PWWP2A: variants seen among roughly 807,000 people sequenced by gnomAD.
The protein encoded by PWWP2A is PWWP domain-containing protein 2A.
In PWWP2A, 18 loss-of-function variants were observed where a neutral mutation model predicts 48.5. The observed-to-expected ratio is 0.37, with a 90% CI of 0.26 to 0.55. PWWP2A has a LOEUF of 0.55. PWWP2A is among the 20% of genes least tolerant of loss of function. PWWP2A has a pLI of 0.81. For synonymous variants in PWWP2A, 396 were observed against 387.7 expected (o/e 1.02, Z -0.25); for missense variants, 867 against 976.4 (o/e 0.89, Z 1.49).
downstream of PWWP2A, among the ~76,000 whole-genome samples, chr5:160,073,312 T>C (rs1353818478): frequency 6.6e-6 from 1 of 151,452 alleles, no homozygotes; most frequent in African/African-American, 2.4e-5. Context: ...CACTGCAAGC[T>C]CTGCCTCCCG....
At chr5:160,045,454 C>CCACCCACACACA in the PWWP2A span, among the ~76,000 whole-genome samples, 1 of 38,878 alleles carries the variant, frequency 2.6e-5, no homozygotes, top group Non-Finnish European at 4.8e-5. Context: ...CCCCCACCCT[C>CCACCCACACACA]CACACACACA....
intron 1 of PWWP2A, chr5:160,108,666 T>A (rs1757140339): frequency 2.0e-6 from 2 of 1,018,532 alleles, no homozygotes; most frequent in Non-Finnish European, 2.7e-6. Context: ...AAAAAACACG[T>A]AAATTTTCTA....
chr5:160,086,717 C>T (rs1407388538), downstream of PWWP2A, among the ~76,000 whole-genome samples: 1 of 152,076 alleles, frequency 6.6e-6, no homozygotes, highest in East Asian at 1.9e-4. Flanking sequence ...CATGGTGGAA[C>T]CCCATCTTCC....
chr5:160,109,802 T>A (rs1581263172), intron 1 of PWWP2A, among the ~76,000 whole-genome samples: 1 of 122,318 alleles, frequency 8.2e-6, no homozygotes, highest in Non-Finnish European at 1.7e-5. Context: ...TATATATATA[T>A]ATATATAAAA....
intron 2 of PWWP2A, among the ~76,000 whole-genome samples, chr5:160,085,868 GA>G (rs1223952194): frequency 6.6e-6 from 1 of 151,038 alleles, no homozygotes; most frequent in Non-Finnish European, 1.5e-5. Context: ...ATCCAGGCTG[GA>G]ATGCAGCGGC....
At chr5:160,118,721 G>C (rs1758398171) in intron 1 of PWWP2A, 84 bp downstream of exon 1, 2 of 1,272,966 alleles carry the variant, frequency 1.6e-6, no homozygotes, top group Non-Finnish European at 2.0e-6. Flanking sequence ...GGGGAAGCGA[G>C]GGCTCGGGGA....
chr5:160,045,809 C>G, the PWWP2A span, among the ~76,000 whole-genome samples: 2 of 152,026 alleles, frequency 1.3e-5, no homozygotes, highest in Non-Finnish European at 2.9e-5. Flanking sequence ...GTGGTGCCAT[C>G]TTGGCTCACT....
At chr5:160,096,408 A>T (rs1458072198) in intron 1 of PWWP2A, among the ~76,000 whole-genome samples, 1 of 152,242 alleles carries the variant, frequency 6.6e-6, no homozygotes, top group Non-Finnish European at 1.5e-5. Context: ...TACACAGTAC[A>T]TAGGTGCTCA....
At chr5:160,118,334 C>G (rs115991227) in intron 1 of PWWP2A, among the ~76,000 whole-genome samples, 1,823 of 152,220 alleles carry the variant, frequency 0.012, 31 homozygotes, top group African/African-American at 0.04. Context: ...CTTTTGGGAA[C>G]CCCAATGTAC....
downstream of PWWP2A, chr5:160,089,765 T>A: frequency 1.0e-6 from 1 of 985,460 alleles, no homozygotes; most frequent in Non-Finnish European, 1.2e-6. Flanking sequence ...AGCCGCAGAT[T>A]TGGTCTAAGC....
rs781278759 is a variant in PWWP2A, at chr5:160,118,888, G to C, written c.501C>G (p.Asp167Glu). Residue 167 changes from aspartate (D) to glutamate (E), a missense_variant, in exon 1 of 2, where the codon GAC becomes GAG. Transcript: ENST00000307063. ...IPGSEVRVTL[D>E]HIIEDALVVS... is the part of the protein sequence containing the mutation. ...CGACAAGCGCGTCCTCAATGATGTGGTCCAGCGTGACCCGCACCTCCGAGC... is the reference window on the plus strand; with the variant it reads ...CGACAAGCGCGTCCTCAATGATGTGCTCCAGCGTGACCCGCACCTCCGAGC... 5 of 1,601,396 alleles carry C rather than the reference G, an allele frequency of 3.1e-6. No homozygotes were observed. The highest frequency in any genetic ancestry group is 4.3e-6 in the Non-Finnish European group (5 of 1,175,010).
intron 1 of PWWP2A, among the ~76,000 whole-genome samples, chr5:160,115,545 T>C (rs967262744): frequency 1.3e-5 from 2 of 151,782 alleles, no homozygotes; most frequent in Non-Finnish European, 2.9e-5. Context: ...ATACAAAAAT[T>C]AGCCGGGCGT....
rs377429336 is a variant in PWWP2A at position 160,092,655 on chromosome 5, G to A, written c.1995C>T (p.Gly665=). ...VGDIVWAKIY[G]FPWWPARILT... ...GAATACGGGCTGGCCACCAAGGGAAGCCATATATCTTGGCCCAAACAATGT... is the reference window on the plus strand; with the variant it reads ...GAATACGGGCTGGCCACCAAGGGAAACCATATATCTTGGCCCAAACAATGT... Residue 665 remains glycine (G), a synonymous_variant, in exon 2 of 2, where the codon GGC becomes GGT. Transcript: ENST00000307063. 2,539 of 1,551,700 alleles carry A rather than the reference G, an allele frequency of 1.6e-3. 11 individuals carry two copies. The highest frequency in any genetic ancestry group is 3.0e-3 in the South Asian group (256 of 84,066).
In PWWP2A at chr5:160,062,905, C is replaced by T. The variant is rs538950153; in HGVS notation, c.*368+637G>A. ...CTAACTCAGGTCACCCTGAGGCTGC[C>T]CTGTCTTTCTCTTGCTTGTTGTGAG... On this transcript the variant is annotated intron_variant and NMD_transcript_variant, in intron 5 of 5. Coordinates refer to the PWWP2A transcript ENST00000524050. Among the ~76,000 whole-genome samples, 339 of 152,242 alleles carry T rather than the reference C, an allele frequency of 2.2e-3. 2 individuals carry two copies. The highest frequency in any genetic ancestry group is 7.6e-3 in the African/African-American group (316 of 41,548).
chr5:160,110,393 T>C (rs1184592310), intron 1 of PWWP2A, among the ~76,000 whole-genome samples: 1 of 152,166 alleles, frequency 6.6e-6, no homozygotes, highest in Non-Finnish European at 1.5e-5. Context: ...ATTGTTGTTT[T>C]TAAAGTCCTT....
chr5:160,045,031 C>G, the PWWP2A span, among the ~76,000 whole-genome samples: 99 of 152,256 alleles, frequency 6.5e-4, no homozygotes, highest in Non-Finnish European at 4.4e-5. Context: ...TCTGAATGTA[C>G]TGTTTTGTTT....
intron 1 of PWWP2A, among the ~76,000 whole-genome samples, chr5:160,103,924 C>T (rs1345156050): frequency 1.3e-5 from 2 of 151,454 alleles, no homozygotes; most frequent in Admixed American, 6.6e-5. Context: ...GAGTTCAAGA[C>T]CAGCCTGGCC....
At chr5:160,062,347 C>T (rs1753442012) in intron 5 of PWWP2A, among the ~76,000 whole-genome samples, 1 of 152,200 alleles carries the variant, frequency 6.6e-6, no homozygotes, top group Non-Finnish European at 1.5e-5. Context: ...GAGGAAGCTG[C>T]CATCTCTGGA....
Position 160,068,885 on chromosome 5 carries a change from T to C in PWWP2A, c.*80-2014A>G, listed in dbSNP as rs541523788. 2.0e-4 allele frequency among the ~76,000 whole-genome samples: 30 copies of C among 151,512 alleles called. No homozygotes were observed. In the Middle Eastern group the frequency reaches 0.01, roughly 52 times the overall value. ...ATGCCTGTTTTTTCAAATGTCTCCT[T>C]CACTACTAACCAATATCTGTTACCT... On this transcript the variant is annotated intron_variant and NMD_transcript_variant, in intron 2 of 5. Coordinates refer to the PWWP2A transcript ENST00000524050.
Sources: allele counts gnomAD v4.1 joint callset (sites outside exome capture counted in the v4.1 genomes callset), GRCh38; gene constraint gnomAD v4.1.1; transcripts MANE v1.5; gene names NCBI Gene and HGNC (gene_info 2026-07-23, HGNC 2026-07-21).